DIAPH2: variants seen among roughly 807,000 people sequenced by gnomAD.
DIAPH2 encodes the protein protein diaphanous homolog 2.
A neutral mutation model predicts 92.7 loss-of-function variants in DIAPH2; 35 were observed. That is an observed-to-expected ratio of 0.38 (90% CI 0.29 to 0.50). The LOEUF is 0.50. Among genes scored for constraint, DIAPH2 ranks in the 20% least tolerant of loss-of-function variants. The pLI is 0.94. For synonymous variants in DIAPH2, 301 were observed against 280.4 expected (o/e 1.07, Z -0.73); for missense variants, 701 against 819.5 (o/e 0.86, Z 1.77).
chrX:97,300,966 G>GAAAAA (rs2068697171), intron 23 of DIAPH2, among the ~76,000 whole-genome samples: 1 of 15,581 alleles, frequency 6.4e-5, no homozygotes, highest in Non-Finnish European at 1.2e-4. Flanking sequence ...AAAAAAAAAA[G>GAAAAA]AAGAAGAAGA....
At chrX:97,239,250 A>G (rs867365997) in intron 22 of DIAPH2, among the ~76,000 whole-genome samples, 4 of 111,958 alleles carry the variant, frequency 3.6e-5, no homozygotes, top group Admixed American at 1.9e-4. Flanking sequence ...TGCTTAAAAT[A>G]TGTATCTTAT....
chrX:97,040,645 CTCTG>C (rs2066442644), intron 17 of DIAPH2, among the ~76,000 whole-genome samples: 1 of 110,597 alleles, frequency 9.0e-6, no homozygotes, highest in Admixed American at 9.6e-5. Flanking sequence ...TGTTTTTCTC[CTCTG>C]TCTTTTGATG....
In DIAPH2 at chrX:96,966,775, A is replaced by G. The variant is rs188780011; in HGVS notation, c.2050+1568A>G. ...ATATATGCTGTTTTTCACAAATTCT[A>G]CAAGTAAAATTCCTGGATAAAATGC... On this transcript the variant is annotated intron_variant, in intron 17 of 26. Transcript: ENST00000324765. 8.4e-4 allele frequency among the ~76,000 whole-genome samples: 94 copies of G among 112,052 alleles called. 1 individual carries two copies. In the East Asian group the frequency reaches 0.022, roughly 26 times the overall value.
chrX:96,766,513 A>C (rs1464776535), intron 4 of DIAPH2, among the ~76,000 whole-genome samples: 1 of 111,303 alleles, frequency 9.0e-6, no homozygotes, highest in African/African-American at 3.3e-5. Context: ...AATATGTAAG[A>C]TCACTGGTGA....
At chrX:97,499,838 G>A (rs2070783301) in intron 26 of DIAPH2, among the ~76,000 whole-genome samples, 2 of 112,318 alleles carry the variant, frequency 1.8e-5, no homozygotes, top group South Asian at 3.7e-4. Flanking sequence ...TGTAAATAGA[G>A]CAGAAATCCC....
chrX:96,749,558 A>G (rs1357742675), intron 3 of DIAPH2, among the ~76,000 whole-genome samples: 1 of 111,849 alleles, frequency 8.9e-6, no homozygotes, highest in Middle Eastern at 4.2e-3. Context: ...ATTAACTTTT[A>G]TCAGACCAAT....
At chrX:97,217,438 C>T (rs187670270) in intron 22 of DIAPH2, among the ~76,000 whole-genome samples, 3 of 111,641 alleles carry the variant, frequency 2.7e-5, no homozygotes, top group East Asian at 5.6e-4. Context: ...CTGCCACCCT[C>T]ATGATCACAT....
At chrX:97,556,236 G>A (rs992621438) in intron 26 of DIAPH2, among the ~76,000 whole-genome samples, 1 of 111,727 alleles carries the variant, frequency 9.0e-6, no homozygotes, top group African/African-American at 3.3e-5. Flanking sequence ...AGAAACTTAG[G>A]TTAGACCCTT....
chrX:96,692,957 G>A (rs1333013568), intron 1 of DIAPH2, among the ~76,000 whole-genome samples: 2 of 111,846 alleles, frequency 1.8e-5, no homozygotes, highest in Non-Finnish European at 3.8e-5. Flanking sequence ...AATTGGGTGA[G>A]TAAACCTTTA....
chrX:96,776,473 C>T (rs972939184), intron 4 of DIAPH2, among the ~76,000 whole-genome samples: 3 of 110,360 alleles, frequency 2.7e-5, no homozygotes, highest in African/African-American at 9.9e-5. Context: ...GGCCTCCCAA[C>T]GTGCTGGGAT....
intron 23 of DIAPH2, among the ~76,000 whole-genome samples, chrX:97,329,698 C>T (rs1433975371): frequency 2.7e-5 from 3 of 111,043 alleles, no homozygotes; most frequent in Non-Finnish European, 5.7e-5. Context: ...GGGTTCTCCA[C>T]TTATGGTTGG....
chrX:96,685,630 C>T (rs756695033), intron 1 of DIAPH2, among the ~76,000 whole-genome samples: 62 of 112,383 alleles, frequency 5.5e-4, no homozygotes, highest in Non-Finnish European at 9.4e-4. Flanking sequence ...GGGAGCCCAC[C>T]TACAGCTTCG....
intron 24 of DIAPH2, among the ~76,000 whole-genome samples, chrX:97,354,091 A>G (rs959388841): frequency 4.5e-5 from 5 of 110,934 alleles, no homozygotes; most frequent in Non-Finnish European, 9.4e-5. Flanking sequence ...CTGGAATTAC[A>G]TGCATGAGCC....
At chrX:96,835,253 CAAT>C (rs1359962255) in intron 4 of DIAPH2, among the ~76,000 whole-genome samples, 1 of 111,884 alleles carries the variant, frequency 8.9e-6, no homozygotes, top group Non-Finnish European at 1.9e-5. Context: ...AAACCAACAA[CAAT>C]AACAATGGTG....
chrX:96,869,143 T>G (rs1437773754), intron 4 of DIAPH2, among the ~76,000 whole-genome samples: 2 of 110,934 alleles, frequency 1.8e-5, no homozygotes, highest in Non-Finnish European at 3.8e-5. Context: ...GTAAATGCCC[T>G]CATTTTTGGG....
rs142192361 is a variant in DIAPH2 at position 97,356,575 on chromosome X, G to T, written c.3009+8295G>T. Among the ~76,000 whole-genome samples the T allele has an allele frequency of 0.011, 1,194 of 111,918 alleles. 27 individuals are homozygous for T. In the East Asian group the frequency reaches 0.15, roughly 14 times the overall value. ...GCTGTGCCAGAGAGCAGACTTTACT[G>T]TATTTTACAGATATCATTGAATTCT... On this transcript the variant is annotated intron_variant, in intron 24 of 26. Coordinates refer to ENST00000324765, the MANE Select transcript of DIAPH2 (RefSeq NM_006729.5).
intron 22 of DIAPH2, among the ~76,000 whole-genome samples, chrX:97,184,914 C>T (rs1256836495): frequency 1.8e-5 from 2 of 109,387 alleles, no homozygotes; most frequent in East Asian, 2.9e-4. Context: ...TGTATAATAC[C>T]CCTGAGAGGT....
intron 22 of DIAPH2, among the ~76,000 whole-genome samples, chrX:97,152,602 G>C (rs1437069702): frequency 8.9e-6 from 1 of 111,882 alleles, no homozygotes; most frequent in Non-Finnish European, 1.9e-5. Flanking sequence ...AGGGTGGAGG[G>C]GTAGAAGGGT....
At chrX:97,400,277 G>A (rs1356264565) in intron 25 of DIAPH2, among the ~76,000 whole-genome samples, 1 of 112,084 alleles carries the variant, frequency 8.9e-6, no homozygotes, top group Non-Finnish European at 1.9e-5. Context: ...TCCAACATGA[G>A]TATTTGTATG....
Sources: gnomAD v4.1 joint callset for allele counts (sites outside exome capture counted in the v4.1 genomes callset) on GRCh38, gnomAD v4.1.1 for gene constraint, MANE v1.5 for transcripts, NCBI Gene and HGNC (gene_info 2026-07-23, HGNC 2026-07-21) for gene names.